The following ADGRG6 variants were observed in gnomAD, a reference collection of about 807,000 sequenced individuals.
The protein encoded by ADGRG6 is adhesion G protein-coupled receptor G6.
A neutral mutation model predicts 142.4 loss-of-function variants in ADGRG6; 84 were observed. The observed-to-expected ratio is 0.59, with a 90% confidence interval of 0.49 to 0.71. The LOEUF is 0.71. Among genes scored for constraint, ADGRG6 ranks in the 30% least tolerant of loss-of-function variants. The pLI, the probability that ADGRG6 is intolerant of heterozygous loss-of-function variation, is 0.00. For synonymous variants in ADGRG6, 521 were observed against 520.5 expected (o/e 1.00, Z -0.01); for missense variants, 1,367 against 1,466.6 (o/e 0.93, Z 1.11).
intron 21 of ADGRG6, 88 bp downstream of exon 21, chr6:142,417,457 A>G: frequency 1.5e-6 from 1 of 677,042 alleles, no homozygotes; most frequent in South Asian, 1.8e-5. Context: ...CAAGGCTTTC[A>G]TTTTAAAAGG....
At chr6:142,385,691 TTTA>T (rs1781986243) in intron 6 of ADGRG6, among the ~76,000 whole-genome samples, 1 of 152,162 alleles carries the variant, frequency 6.6e-6, no homozygotes, top group Non-Finnish European at 1.5e-5. Context: ...GCCTGAAGCC[TTTA>T]TTATCTTTTT....
intron 22 of ADGRG6, among the ~76,000 whole-genome samples, chr6:142,430,789 A>T (rs1279499590): frequency 3.3e-5 from 5 of 152,220 alleles, no homozygotes; most frequent in African/African-American, 1.2e-4. Flanking sequence ...AGTTAAATTC[A>T]CTACTTGAGA....
chr6:142,310,697 G>A (rs1469752697), intron 2 of ADGRG6, among the ~76,000 whole-genome samples: 3 of 151,696 alleles, frequency 2.0e-5, no homozygotes, highest in East Asian at 3.9e-4. Flanking sequence ...AAAATCCCTG[G>A]CACTTATTTA....
At chr6:142,314,585 G>A (rs555504698) in intron 2 of ADGRG6, among the ~76,000 whole-genome samples, 162 of 152,242 alleles carry the variant, frequency 1.1e-3, no homozygotes, top group African/African-American at 3.8e-3. Flanking sequence ...CAGCTACAAC[G>A]TTCTTGCTTT....
chr6:142,372,441 C>G (rs1781305030), intron 4 of ADGRG6, among the ~76,000 whole-genome samples: 1 of 152,174 alleles, frequency 6.6e-6, no homozygotes, highest in Non-Finnish European at 1.5e-5. Context: ...AAGGCCACCT[C>G]CCAATTTCTC....
intron 2 of ADGRG6, among the ~76,000 whole-genome samples, chr6:142,317,901 A>ATATATAATATATATTTATATTATATATT (rs1778205859): frequency 2.7e-5 from 1 of 37,056 alleles, no homozygotes; most frequent in Non-Finnish European, 4.3e-5. Flanking sequence ...TTATATATTT[A>ATATATAATATATATTTATATTATATATT]TATATATTAT....
At chr6:142,397,846 A>G (rs567833642) in intron 10 of ADGRG6, 91 bp downstream of exon 10, 3 of 790,652 alleles carry the variant, frequency 3.8e-6, no homozygotes, top group South Asian at 5.5e-5. Context: ...TTTATGCGCT[A>G]TTTGTTTATG....
chr6:142,306,258 C>T (rs777782664), intron 1 of ADGRG6, among the ~76,000 whole-genome samples: 18 of 152,126 alleles, frequency 1.2e-4, no homozygotes, highest in African/African-American at 2.7e-4. Flanking sequence ...AAGATTATTT[C>T]GGTGATCCAT....
Position 142,403,808 on chromosome 6 carries a change from A to G in ADGRG6, c.1962A>G (p.Leu654=). 6.4e-7 allele frequency: 1 copy of G among 1,573,716 alleles called. No homozygotes were observed. The highest frequency in any genetic ancestry group is 1.2e-5 in the South Asian group (1 of 84,328). The change falls in exon 14 of 25, where the codon TTA becomes TTG. Residue 654 remains leucine, a synonymous_variant. Coordinates refer to ENST00000367609, the MANE Select transcript of ADGRG6 (RefSeq NM_198569.3). Reference sequence around the variant, plus strand: ...TTTTTTGTCGTTACTTTAGAGCTTTAAAAACAATTGATGAATTGGCCTTCA... The same window carrying G: ...TTTTTTGTCGTTACTTTAGAGCTTTGAAAACAATTGATGAATTGGCCTTCA... ...SDLLESSSEA[L]KTIDELAFKI... is the part of the protein sequence containing the mutation.
At position 142,370,696 on chromosome 6, in the gene ADGRG6, C is replaced by A; in HGVS notation, c.972C>A (p.Asn324Lys). The A allele has an allele frequency of 6.2e-7, 1 of 1,613,666 alleles. No individual in the cohort carries two copies. The highest frequency in any genetic ancestry group is 8.5e-7 in the Non-Finnish European group (1 of 1,179,638). The stretch of plus-strand genomic sequence containing the variant: ...CCATGAATGCCAAAATCCTCTCCAA[C>A]CTCAGCTGTAATGTGAAAGGGAATG... ...NFTMNAKILS[N>K]LSCNVKGNVV... The change falls in exon 4 of 25, where the codon AAC becomes AAA. Residue 324 changes from asparagine (N) to lysine (K), a missense_variant. By Grantham distance (94) the Asn-to-Lys change is moderately conservative (BLOSUM62 0). Transcript: ENST00000367609.
intron 2 of ADGRG6, among the ~76,000 whole-genome samples, chr6:142,341,400 A>T (rs1325060036): frequency 8.1e-6 from 1 of 123,810 alleles, no homozygotes; most frequent in Non-Finnish European, 1.6e-5. Flanking sequence ...ATTATATTAT[A>T]TAATATATTA....
chr6:142,443,597 C>T lies in ADGRG6; in HGVS notation c.*82C>T, dbSNP rs1777861395. ...AACTGCAACTAGTGATGTAAATGTG[C>T]TATTACCTAGGTAACTGCATATATA... On this transcript the variant is annotated 3_prime_UTR_variant, in exon 25 of 25. Transcript: ENST00000367609. The T allele has an allele frequency of 1.2e-6, 1 of 863,210 alleles. No individual in the cohort carries two copies. Among genetic ancestry groups the T allele is most frequent in the Non-Finnish European group, 1.8e-6 (1 of 546,608 alleles). The allele number at this position is 863,210 out of a possible 1,614,324, so 53.5% of individuals were successfully genotyped here. A position where few individuals can be genotyped will look rare whatever the true frequency, so the allele number is the denominator to read the frequency against.
chr6:142,398,215 C>G (rs969304691), intron 10 of ADGRG6, among the ~76,000 whole-genome samples: 1 of 152,098 alleles, frequency 6.6e-6, no homozygotes, highest in Admixed American at 6.5e-5. Flanking sequence ...AACTTGAGCC[C>G]AGGAATTCGA....
chr6:142,397,902 T>G, intron 10 of ADGRG6, 147 bp downstream of exon 10: 1 of 498,270 alleles, frequency 2.0e-6, no homozygotes, highest in Non-Finnish European at 3.5e-6. Context: ...ATGAATGACA[T>G]AGCAGAAAAA....
chr6:142,387,488 T>C (rs187409043), intron 6 of ADGRG6, among the ~76,000 whole-genome samples: 1 of 152,298 alleles, frequency 6.6e-6, no homozygotes, highest in Non-Finnish European at 1.5e-5. Flanking sequence ...AAAGAAATTG[T>C]GTATGTAGGA....
At chr6:142,342,213 A>C (rs893853086) in intron 2 of ADGRG6, among the ~76,000 whole-genome samples, 1 of 152,076 alleles carries the variant, frequency 6.6e-6, no homozygotes, top group Non-Finnish European at 1.5e-5. Flanking sequence ...ATGGAAAAAA[A>C]AATTCTCCAG....
intron 1 of ADGRG6, among the ~76,000 whole-genome samples, chr6:142,307,998 C>T (rs9376684): frequency 0.097 from 14,793 of 151,874 alleles, 1,579 homozygotes; most frequent in East Asian, 0.62. Context: ...CCCAGGTGAT[C>T]CCAGAAGTGA....
intron 5 of ADGRG6, among the ~76,000 whole-genome samples, chr6:142,383,468 G>A (rs1781868768): frequency 6.6e-6 from 1 of 152,142 alleles, no homozygotes; most frequent in Non-Finnish European, 1.5e-5. Context: ...TTGCCAGCTT[G>A]TTAATGGAGA....
intron 9 of ADGRG6, among the ~76,000 whole-genome samples, chr6:142,396,788 A>G (rs1204849574): frequency 6.6e-6 from 1 of 152,168 alleles, no homozygotes; most frequent in Non-Finnish European, 1.5e-5. Flanking sequence ...TGACAAAATA[A>G]TGTTACTTAC....
Sources: gnomAD v4.1 joint callset for allele counts (sites outside exome capture counted in the v4.1 genomes callset) on GRCh38, gnomAD v4.1.1 for gene constraint, MANE v1.5 for transcripts, NCBI Gene and HGNC (gene_info 2026-07-23, HGNC 2026-07-21) for gene names.